DPF2: variants seen among roughly 807,000 people sequenced by gnomAD.
DPF2 encodes the protein double PHD fingers 2, also known as zinc finger protein ubi-d4.
In DPF2, 10 loss-of-function variants were observed where a neutral mutation model predicts 59.6. The observed-to-expected ratio is 0.17, with a 90% CI of 0.10 to 0.28. The LOEUF (loss-of-function observed/expected upper bound fraction) is 0.28, where lower values mean the gene tolerates loss of function less well. Ranked by LOEUF, DPF2 falls within the 10% of genes least tolerant of loss-of-function variation. The pLI is 1.00. For missense variants in DPF2, 315 were observed against 509.4 expected (o/e 0.62, Z 3.67); for synonymous variants, 189 against 190.6 (o/e 0.99, Z 0.07).
intron 1 of DPF2, among the ~76,000 whole-genome samples, chr11:65,338,243 G>A (rs1223531356): frequency 3.3e-5 from 5 of 152,088 alleles, no homozygotes; most frequent in South Asian, 2.1e-4. Context: ...TACTGTGCCC[G>A]GCCTCCCTTA....
intron 2 of DPF2, 144 bp downstream of exon 2, chr11:65,340,689 C>A: frequency 8.1e-7 from 1 of 1,235,382 alleles, no homozygotes; most frequent in Non-Finnish European, 1.1e-6. Flanking sequence ...ATTAGAAACC[C>A]AGGGAGGATG....
chr11:65,348,657 G>C, intron 9 of DPF2, 193 bp from the exon 10 acceptor site: 1 of 490,920 alleles, frequency 2.0e-6, no homozygotes. Context: ...TCAATTAGGA[G>C]CTCTGAAAGG....
intron 4 of DPF2, chr11:65,343,424 T>A: frequency 3.4e-6 from 1 of 292,316 alleles, no homozygotes; most frequent in Non-Finnish European, 6.4e-6. Flanking sequence ...GGGTGGCCAA[T>A]CAGAGGCAGG....
chr11:65,341,107 C>G, intron 3 of DPF2, 34 bp downstream of exon 3: 1 of 1,605,414 alleles, frequency 6.2e-7, no homozygotes, highest in Non-Finnish European at 8.5e-7. Flanking sequence ...GAGGCGTGGC[C>G]TGCTGCATGG....
chr11:65,334,276 C>A (rs1257056347), intron 1 of DPF2, among the ~76,000 whole-genome samples: 1 of 152,196 alleles, frequency 6.6e-6, no homozygotes, highest in Non-Finnish European at 1.5e-5. Context: ...GGGGCCGAGG[C>A]CCGGGCGGCC....
intron 1 of DPF2, among the ~76,000 whole-genome samples, chr11:65,335,916 C>T (rs1486026345): frequency 2.0e-5 from 3 of 152,076 alleles, no homozygotes; most frequent in African/African-American, 7.2e-5. Flanking sequence ...CGGGTTCCAG[C>T]AATTCTCCTG....
chr11:65,350,168 C>G (rs1292704162), intron 10 of DPF2, among the ~76,000 whole-genome samples: 1 of 151,948 alleles, frequency 6.6e-6, no homozygotes, highest in Non-Finnish European at 1.5e-5. Context: ...TGTGGGACAT[C>G]GAGGTAGTGG....
In DPF2 at chr11:65,337,504, T is replaced by TAGAGAGAGAG. The variant is rs1188984367; in HGVS notation, c.33-2847_33-2838dup. ...ATATATATATATATATATATATATATAGAGAGAGAGAGAGAGAGAGAGAGA... is the reference window on the plus strand; with the variant it reads ...ATATATATATATATATATATATATATAGAGAGAGAGAGAGAGAGAGAGAGAGAGAGAGAGA... On this transcript the variant is annotated intron_variant, in intron 1 of 10. Transcript: ENST00000528416. Among the ~76,000 whole-genome samples, 125 of 21,352 alleles carry TAGAGAGAGAG rather than the reference T, an allele frequency of 5.9e-3. 4 individuals carry two copies. Among genetic ancestry groups the TAGAGAGAGAG allele is most frequent in the South Asian group, 9.6e-3 (3 of 314 alleles). 14.0% of individuals were successfully genotyped at this position (21,352 alleles called of 152,430 possible). A position where few individuals can be genotyped will look rare whatever the true frequency, so the allele number is the denominator to read the frequency against.
At chr11:65,340,175 A>T (rs993288799) in intron 1 of DPF2, among the ~76,000 whole-genome samples, 1 of 152,152 alleles carries the variant, frequency 6.6e-6, no homozygotes, top group Non-Finnish European at 1.5e-5. Context: ...TGTGTTCCTG[A>T]TGGTAATTTA....
At chr11:65,348,970 A>G in intron 10 of DPF2, 39 bp downstream of exon 10, 1 of 1,602,436 alleles carries the variant, frequency 6.2e-7, no homozygotes, top group South Asian at 1.1e-5. Flanking sequence ...CAATTACTTT[A>G]TTAGTTACTT....
At chr11:65,343,366 A>G (rs1854435915) in intron 4 of DPF2, 1 of 185,504 alleles carries the variant, frequency 5.4e-6, no homozygotes, top group Non-Finnish European at 1.1e-5. Flanking sequence ...ATTTTAATTT[A>G]AACTAGGAGG....
At position 65,345,603 on chromosome 11, in the gene DPF2, A is replaced by G. The variant is rs1211022517; in HGVS notation, c.638-63A>G. 4 of 1,596,002 alleles carry G rather than the reference A, an allele frequency of 2.5e-6. No homozygotes were observed. The African/African-American group carries it at 4.0e-5, about 16-fold the overall frequency. On this transcript the variant is annotated intron_variant, in intron 6 of 10. Coordinates refer to ENST00000528416, the MANE Select transcript of DPF2 (RefSeq NM_006268.5). ...CTCAGGTGGAGCCCCCACAGCTTGC[A>G]GGGATGGGGACATGGCACTCTTGTA...
At chr11:65,344,310 G>C in intron 6 of DPF2, 1 of 615,150 alleles carries the variant, frequency 1.6e-6, no homozygotes, top group Non-Finnish European at 2.9e-6. Context: ...TTGCTTGTGG[G>C]GGCCACAGCA....
intron 6 of DPF2, chr11:65,345,187 T>G (rs1396017124): frequency 1.2e-5 from 2 of 171,598 alleles, no homozygotes. Flanking sequence ...CCTGCTTGTT[T>G]ACCCACATTC....
chr11:65,338,949 A>G (rs1012268392), intron 1 of DPF2, among the ~76,000 whole-genome samples: 5 of 152,152 alleles, frequency 3.3e-5, no homozygotes, highest in Admixed American at 6.6e-5. Flanking sequence ...TCCTCAATCT[A>G]TAGAAGAGTA....
intron 10 of DPF2, among the ~76,000 whole-genome samples, chr11:65,350,332 G>C (rs537096992): frequency 6.7e-6 from 1 of 148,838 alleles, no homozygotes; most frequent in East Asian, 2.0e-4. Context: ...CTTGCAAGCT[G>C]TTTTGTTTTC....
chr11:65,348,616 A>G, intron 9 of DPF2: 5 of 408,654 alleles, frequency 1.2e-5, no homozygotes, highest in African/African-American at 8.3e-5. Context: ...TTAGGGAAAA[A>G]AAAAAAAAAA....
In DPF2 at chr11:65,348,918, T is replaced by G. The variant is rs1360436476; in HGVS notation, c.1086T>G (p.Ser362=). 3.1e-6 allele frequency: 5 copies of G among 1,614,246 alleles called. No individual in the cohort carries two copies. The Admixed American group carries it at 8.3e-5, about 27-fold the overall frequency. ...TGTACTGTCTCACCCCGTCCATGTC[T>G]GAGCCCCCTGAAGGTAAGTTGCCCA... ...YHMYCLTPSM[S]EPPEGSWSCH... Residue 362 remains serine, a synonymous_variant, in exon 10 of 11, where the codon TCT becomes TCG. Coordinates refer to ENST00000528416, the MANE Select transcript of DPF2 (RefSeq NM_006268.5).
At chr11:65,347,782 G>C (rs1471943752) in intron 9 of DPF2, 1 of 151,990 alleles carries the variant, frequency 6.6e-6, no homozygotes, top group Non-Finnish European at 1.5e-5. Context: ...CAGCCTCCCA[G>C]GTAGCTGGGA....
Sources: gnomAD v4.1 joint callset for allele counts (sites outside exome capture counted in the v4.1 genomes callset) on GRCh38, gnomAD v4.1.1 for gene constraint, MANE v1.5 for transcripts, NCBI Gene and HGNC (gene_info 2026-07-23, HGNC 2026-07-21) for gene names.